Variants in PRKCE observed in about 807,000 individuals in gnomAD.
PRKCE encodes protein kinase C epsilon type.
A neutral mutation model predicts 85.4 loss-of-function variants in PRKCE; 16 were observed. The ratio of observed to expected loss-of-function variants is 0.19; its 90% CI spans 0.13 to 0.28. The LOEUF (loss-of-function observed/expected upper bound fraction) is 0.28. Among genes scored for constraint, PRKCE ranks in the 10% least tolerant of loss-of-function variants. The pLI is 1.00. For synonymous variants in PRKCE, 388 were observed against 371.5 expected (o/e 1.04, Z -0.51); for missense variants, 573 against 975.2 (o/e 0.59, Z 5.49).
At chr2:45,773,493 G>A (rs1042212919) in intron 1 of PRKCE, among the ~76,000 whole-genome samples, 5 of 152,136 alleles carry the variant, frequency 3.3e-5, no homozygotes, top group African/African-American at 1.2e-4. Flanking sequence ...TGGAACTCCT[G>A]GGCATCAAGA....
intron 6 of PRKCE, among the ~76,000 whole-genome samples, chr2:45,992,158 G>C (rs1036969686): frequency 1.3e-5 from 2 of 152,194 alleles, no homozygotes; most frequent in Non-Finnish European, 2.9e-5. Context: ...GCCTGGAAAG[G>C]GGTGTAGGGA....
chr2:45,783,844 G>A (rs566492791), intron 1 of PRKCE, among the ~76,000 whole-genome samples: 6 of 152,336 alleles, frequency 3.9e-5, no homozygotes, highest in African/African-American at 1.4e-4. Context: ...ATCTGAATGT[G>A]TAGTGCTGGG....
chr2:45,833,784 G>A (rs1431629921), intron 1 of PRKCE, among the ~76,000 whole-genome samples: 2 of 152,238 alleles, frequency 1.3e-5, no homozygotes, highest in Admixed American at 1.3e-4. Flanking sequence ...AATGTGAAAT[G>A]CAAAGTGCAG....
intron 11 of PRKCE, among the ~76,000 whole-genome samples, chr2:46,121,303 A>C (rs1673291012): frequency 6.6e-6 from 1 of 152,174 alleles, no homozygotes; most frequent in African/African-American, 2.4e-5. Flanking sequence ...CACCCGTTGT[A>C]AAGTAGGCGT....
At chr2:45,681,181 C>T (rs776178092) in intron 1 of PRKCE, among the ~76,000 whole-genome samples, 2 of 146,374 alleles carry the variant, frequency 1.4e-5, no homozygotes, top group Non-Finnish European at 1.5e-5. Flanking sequence ...CCCAGTCACT[C>T]GGGAGGCTGA....
chr2:46,154,251 A>G (rs912006986), intron 13 of PRKCE, among the ~76,000 whole-genome samples: 1 of 151,976 alleles, frequency 6.6e-6, no homozygotes, highest in African/African-American at 2.4e-5. Context: ...CCAGCCTCCA[A>G]AAGTCCTCCA....
intron 11 of PRKCE, among the ~76,000 whole-genome samples, chr2:46,107,560 G>T (rs1671846140): frequency 6.6e-6 from 1 of 152,146 alleles, no homozygotes; most frequent in Non-Finnish European, 1.5e-5. Flanking sequence ...TTTCCAATCA[G>T]TTGGATAAAT....
intron 2 of PRKCE, among the ~76,000 whole-genome samples, chr2:45,879,260 C>A (rs549455935): frequency 6.6e-6 from 1 of 152,164 alleles, no homozygotes; most frequent in East Asian, 1.9e-4. Context: ...AGAGTCCAGC[C>A]GAGGATGGCC....
chr2:45,882,613 A>T (rs1358212166), intron 2 of PRKCE, among the ~76,000 whole-genome samples: 1 of 152,230 alleles, frequency 6.6e-6, no homozygotes, highest in African/African-American at 2.4e-5. Flanking sequence ...TTATGGTGAT[A>T]TTTGAGTGTT....
chr2:46,176,466 T>G (rs1679445377), intron 14 of PRKCE, among the ~76,000 whole-genome samples: 1 of 152,134 alleles, frequency 6.6e-6, no homozygotes, highest in Admixed American at 6.5e-5. Context: ...CGTCTCCCAG[T>G]ATTCAGAAAC....
intron 6 of PRKCE, among the ~76,000 whole-genome samples, chr2:45,991,762 G>A (rs1703817806): frequency 6.6e-6 from 1 of 152,200 alleles, no homozygotes; most frequent in Non-Finnish European, 1.5e-5. Flanking sequence ...TATACAAGGA[G>A]GGAATTACAT....
chr2:45,869,759 G>A (rs1270906383), intron 2 of PRKCE, among the ~76,000 whole-genome samples: 1 of 142,576 alleles, frequency 7.0e-6, no homozygotes, highest in Non-Finnish European at 1.5e-5. Context: ...CCAGGCTGGA[G>A]TGCAGTGGCA....
chr2:46,186,004 G>A lies in PRKCE; in HGVS notation c.*1123G>A, dbSNP rs1680422104. The A allele has an allele frequency of 6.6e-6, 1 of 152,600 alleles. No individual in the cohort carries two copies. Among genetic ancestry groups the A allele is most frequent in the Non-Finnish European group, 1.5e-5 (1 of 68,034 alleles). 9.5% of individuals were successfully genotyped at this position (152,600 alleles called of 1,614,324 possible). ...TCTGCTTTTGGAATAAGCAGAATGA[G>A]GCTAAACATGGGTTATACAAAGGGT... On this transcript the variant is annotated 3_prime_UTR_variant, in exon 15 of 15. Transcript: ENST00000306156.
intron 2 of PRKCE, among the ~76,000 whole-genome samples, chr2:45,847,548 C>T (rs7593255): frequency 0.2 from 29,829 of 151,424 alleles, 3,408 homozygotes; most frequent in Non-Finnish European, 0.25. Flanking sequence ...CTTAGCTTTA[C>T]CAAGTGCCCA....
chr2:45,872,662 C>G (rs552633134), intron 2 of PRKCE, among the ~76,000 whole-genome samples: 33 of 152,110 alleles, frequency 2.2e-4, no homozygotes, highest in Non-Finnish European at 3.8e-4. Context: ...TACTGACATG[C>G]CAGAAGTGGA....
chr2:46,010,749 G>A (rs372769511), intron 10 of PRKCE: 32 of 1,598,028 alleles, frequency 2.0e-5, no homozygotes, highest in Middle Eastern at 3.3e-4. Flanking sequence ...ATTCTTTGCA[G>A]CCAGAGTTGG....
At chr2:45,770,209 CG>C (rs1162561971) in intron 1 of PRKCE, among the ~76,000 whole-genome samples, 2 of 152,148 alleles carry the variant, frequency 1.3e-5, no homozygotes, top group East Asian at 3.8e-4. Flanking sequence ...CCCTCCTGTC[CG>C]GGGAGTTGCT....
rs147606379 is a variant in PRKCE at position 45,970,431 on chromosome 2, T to C, written c.413-5998T>C. On this transcript the variant is annotated intron_variant, in intron 2 of 14. Coordinates refer to ENST00000306156, the MANE Select transcript of PRKCE (RefSeq NM_005400.3). ...AGCCCTTTGTGCTGGTCTTGCCATT[T>C]AATCAGAAACTAATTGGGAGGAAAC... Among the ~76,000 whole-genome samples, 23 of 152,320 alleles carry C rather than the reference T, an allele frequency of 1.5e-4. No individual in the cohort carries two copies. The East Asian group carries it at 4.2e-3, about 28-fold the overall frequency.
intron 1 of PRKCE, among the ~76,000 whole-genome samples, chr2:45,769,425 G>A (rs1287201965): frequency 1.3e-5 from 2 of 152,126 alleles, no homozygotes; most frequent in African/African-American, 4.8e-5. Flanking sequence ...CTGCATCTGT[G>A]TGTGTGTGGC....
Sources: gnomAD v4.1 joint callset for allele counts (sites outside exome capture counted in the v4.1 genomes callset) on GRCh38, gnomAD v4.1.1 for gene constraint, MANE v1.5 for transcripts, NCBI Gene and HGNC (gene_info 2026-07-23, HGNC 2026-07-21) for gene names.